The following MAPK4 variants were observed in gnomAD, a reference collection of about 807,000 sequenced individuals.
MAPK4 encodes the protein Erk3-related.
Under a neutral mutation model 47.7 loss-of-function variants are expected in MAPK4, and 22 were observed. The observed-to-expected ratio is 0.46, with a 90% CI of 0.33 to 0.66. The LOEUF (loss-of-function observed/expected upper bound fraction) is 0.66. Among genes scored for constraint, MAPK4 ranks in the 30% least tolerant of loss-of-function variants. The pLI, the probability that MAPK4 is intolerant of heterozygous loss-of-function variation, is 0.02. For synonymous variants in MAPK4, 390 were observed against 365.7 expected, an observed-to-expected ratio of 1.07 and a Z score of -0.76; for missense variants, 736 against 831.7, an observed-to-expected ratio of 0.88 and a Z score of 1.42.
chr18:50,729,370 C>T lies in MAPK4; in HGVS notation c.1280C>T (p.Ser427Phe). The change falls in exon 6 of 6, where the codon TCC becomes TTC. Residue 427 changes from serine (S) to phenylalanine (F), a missense_variant. Physicochemically the swap from Ser to Phe is radical, Grantham distance 155 (BLOSUM62 -2). This residue lies in a region of MAPK4 where 377 missense variants were observed against 378.6 expected (regional missense o/e 1.00). Transcript: ENST00000400384. ...ERAFEADYGRSCDYKVGSPSY... is the reference protein window; with the variant it reads ...ERAFEADYGRFCDYKVGSPSY... ...GCCTTCGAGGCCGACTACGGGCGCT[C>T]CTGCGACTACAAGGTGGGGTCGCCG... 1 of 1,574,680 alleles carries T rather than the reference C, an allele frequency of 6.4e-7. No individual in the cohort carries two copies. The highest frequency in any genetic ancestry group is 8.6e-7 in the Non-Finnish European group (1 of 1,162,388).
chr18:50,698,808 T>C (rs953434942), intron 2 of MAPK4, among the ~76,000 whole-genome samples: 1 of 152,168 alleles, frequency 6.6e-6, no homozygotes, highest in Non-Finnish European at 1.5e-5. Context: ...GGCAGGCAGA[T>C]CACCTGAGGC....
chr18:50,647,379 A>C (rs1460435287), intron 1 of MAPK4, among the ~76,000 whole-genome samples: 1 of 152,138 alleles, frequency 6.6e-6, no homozygotes, highest in Non-Finnish European at 1.5e-5. Context: ...TGAGGATATA[A>C]CTTGTACTCA....
intron 1 of MAPK4, among the ~76,000 whole-genome samples, chr18:50,615,490 G>A (rs1007947876): frequency 6.6e-6 from 1 of 152,002 alleles, no homozygotes; most frequent in African/African-American, 2.4e-5. Context: ...CCAGAAGGAA[G>A]GAAAAAAGGA....
At chr18:50,620,287 G>A (rs547107562) in intron 1 of MAPK4, among the ~76,000 whole-genome samples, 5 of 152,166 alleles carry the variant, frequency 3.3e-5, no homozygotes, top group Non-Finnish European at 2.9e-5. Context: ...TGAAGACAGC[G>A]GCAGAGCTGA....
At chr18:50,587,396 G>C (rs893613687) in intron 1 of MAPK4, among the ~76,000 whole-genome samples, 1 of 152,152 alleles carries the variant, frequency 6.6e-6, no homozygotes, top group Non-Finnish European at 1.5e-5. Context: ...CTCCAAAACG[G>C]TTAGAAATAA....
Position 50,729,579 on chromosome 18 carries a change from G to A in MAPK4, c.1489G>A (p.Val497Ile). The A allele has an allele frequency of 1.4e-6, 2 of 1,419,038 alleles. No homozygotes were observed. The highest frequency in any genetic ancestry group is 1.5e-5 in the African/African-American group (1 of 66,758). The allele number at this position is 1,419,038 out of a possible 1,614,324, so 87.9% of individuals were successfully genotyped here. A position where few individuals can be genotyped will look rare whatever the true frequency, so the allele number is the denominator to read the frequency against. Residue 497 changes from valine to isoleucine, a missense_variant, in exon 6 of 6, where the codon GTC becomes ATC. Val to Ile is a conservative substitution (Grantham distance 29). Around this residue, in one of 3 missense-constraint regions of MAPK4, gnomAD observed 377 missense variants for 378.6 expected, o/e 1.00. Coordinates refer to ENST00000400384, the MANE Select transcript of MAPK4 (RefSeq NM_002747.4). The stretch of plus-strand genomic sequence containing the variant: ...CCTCTTCCTGGAGATCGCGCAGTGG[G>A]TCAAGAGCACGCAGGGCGGCCCAGA... ...ASLFLEIAQW[V>I]KSTQGGPEHA...
chr18:50,568,706 A>G lies in MAPK4; in HGVS notation c.-871+8463A>G, dbSNP rs570632355. 5.9e-5 allele frequency among the ~76,000 whole-genome samples: 9 copies of G among 152,076 alleles called. 1 individual carries two copies. The South Asian group carries it at 8.3e-4, about 14-fold the overall frequency. ...TTACTATCTTAAATTTCCTCACTCT[A>G]TCTTCTGTATCTCTTACCCTCCCCT... On this transcript the variant is annotated intron_variant, in intron 1 of 5. Coordinates refer to ENST00000400384, the MANE Select transcript of MAPK4 (RefSeq NM_002747.4).
In MAPK4 at chr18:50,730,493, G is replaced by A. The variant is rs1232608021; in HGVS notation, c.*639G>A. 6.6e-6 allele frequency: 1 copy of A among 152,614 alleles called. No individual in the cohort carries two copies. The highest frequency in any genetic ancestry group is 1.9e-4 in the East Asian group (1 of 5,192). 9.5% of individuals were successfully genotyped at this position (152,614 alleles called of 1,614,324 possible). ...CTGAAACTGGAAACTGAACCAGTTT[G>A]TTTCTCCTAGTCACCAAGCATACTT... is the stretch of plus-strand genomic sequence containing the variant. On this transcript the variant is annotated 3_prime_UTR_variant, in exon 6 of 6. Coordinates refer to ENST00000400384, the MANE Select transcript of MAPK4 (RefSeq NM_002747.4).
chr18:50,716,781 C>T (rs1198986327), intron 3 of MAPK4, among the ~76,000 whole-genome samples: 1 of 151,682 alleles, frequency 6.6e-6, no homozygotes, highest in Non-Finnish European at 1.5e-5. Context: ...CTCCCCACCT[C>T]CTCAGCCTGC....
rs2042434392 is a variant in MAPK4, at chr18:50,591,235, C to T, written c.-871+30992C>T. ...ACATGTTTATTTTCTCTCACAGCAA[C>T]CCTATTAAGTGGGACAGTCTCAGGG... On this transcript the variant is annotated intron_variant, in intron 1 of 5. Coordinates refer to ENST00000400384, the MANE Select transcript of MAPK4 (RefSeq NM_002747.4). Among the ~76,000 whole-genome samples, 4 of 152,146 alleles carry T rather than the reference C, an allele frequency of 2.6e-5. No homozygotes were observed. In the South Asian group the frequency reaches 8.3e-4, roughly 32 times the overall value.
intron 1 of MAPK4, among the ~76,000 whole-genome samples, chr18:50,603,600 C>A (rs911617507): frequency 5.9e-5 from 9 of 152,192 alleles, no homozygotes; most frequent in Non-Finnish European, 1.3e-4. Context: ...GCCTCTGAGT[C>A]CACAGCTGCA....
At chr18:50,619,780 T>C (rs1840441659) in intron 1 of MAPK4, among the ~76,000 whole-genome samples, 1 of 152,286 alleles carries the variant, frequency 6.6e-6, no homozygotes, top group African/African-American at 2.4e-5. Context: ...CTAAACCTCC[T>C]TTTAACCATT....
chr18:50,587,163 A>T (rs1240101796), intron 1 of MAPK4, among the ~76,000 whole-genome samples: 4 of 152,198 alleles, frequency 2.6e-5, no homozygotes, highest in Non-Finnish European at 5.9e-5. Flanking sequence ...CCAAATTCGT[A>T]TGTTGAAGTC....
chr18:50,587,328 G>A (rs1055467673), intron 1 of MAPK4, among the ~76,000 whole-genome samples: 1 of 152,220 alleles, frequency 6.6e-6, no homozygotes, highest in Non-Finnish European at 1.5e-5. Flanking sequence ...CCATCTGCAA[G>A]GAAGGGAACC....
intron 2 of MAPK4, among the ~76,000 whole-genome samples, chr18:50,709,236 T>G (rs1417967201): frequency 6.6e-6 from 1 of 152,188 alleles, no homozygotes; most frequent in African/African-American, 2.4e-5. Context: ...ACAGTCTCCC[T>G]GCCACAGCCT....
chr18:50,619,733 G>C (rs1198548836), intron 1 of MAPK4, among the ~76,000 whole-genome samples: 1 of 152,216 alleles, frequency 6.6e-6, no homozygotes. Context: ...TCAATTCAGA[G>C]AGCACACTCA....
intron 1 of MAPK4, among the ~76,000 whole-genome samples, chr18:50,622,892 C>T (rs1183782593): frequency 6.6e-6 from 1 of 152,128 alleles, no homozygotes; most frequent in African/African-American, 2.4e-5. Flanking sequence ...TAATGATTGT[C>T]GGGGAGAAAG....
chr18:50,727,678 A>G (rs531605735), intron 5 of MAPK4, among the ~76,000 whole-genome samples: 76 of 152,100 alleles, frequency 5.0e-4, no homozygotes, highest in Non-Finnish European at 8.2e-4. Flanking sequence ...CTGTCACAGG[A>G]TTTGTTGCTG....
intron 5 of MAPK4, 90 bp downstream of exon 5, chr18:50,726,265 T>G (rs1911194466): frequency 1.6e-6 from 2 of 1,272,036 alleles, no homozygotes; most frequent in Admixed American, 1.9e-5. Flanking sequence ...CCCCTCTGTC[T>G]CCCAAGTTGC....
Sources: gnomAD v4.1 joint callset for allele counts (sites outside exome capture counted in the v4.1 genomes callset) on GRCh38, gnomAD v4.1.1 for gene constraint, gnomAD v4.1.1 regional missense constraint, MANE v1.5 for transcripts, NCBI Gene and HGNC (gene_info 2026-07-23, HGNC 2026-07-21) for gene names.